The following COL23A1 variants were observed in gnomAD, a reference collection of about 807,000 sequenced individuals.
COL23A1 encodes collagen type XXIII alpha 1 chain.
A neutral mutation model predicts 99.3 loss-of-function variants in COL23A1; 97 were observed. The observed-to-expected ratio is 0.98, with a 90% CI of 0.83 to 1.16. The LOEUF is 1.16. Ranked by LOEUF, COL23A1 falls within the 50% of genes most tolerant of loss-of-function variation. COL23A1 has a pLI of 0.00. For missense variants in COL23A1, 762 were observed against 757.4 expected (o/e 1.01, Z -0.07); for synonymous variants, 320 against 308.2 (o/e 1.04, Z -0.40).
intron 5 of COL23A1, among the ~76,000 whole-genome samples, chr5:178,286,899 C>CGTAGTGGG (rs1461125164): frequency 5.3e-5 from 8 of 151,182 alleles, no homozygotes; most frequent in Middle Eastern, 3.2e-3. Flanking sequence ...GGAAACCACT[C>CGTAGTGGG]ATCTACACCC....
rs995578135 is a variant in COL23A1, at chr5:178,387,059, C to T, written c.362-80140G>A. Among the ~76,000 whole-genome samples the T allele has an allele frequency of 6.6e-4, 101 of 152,130 alleles. 3 individuals are homozygous for T. Among genetic ancestry groups the T allele is most frequent in the Non-Finnish European group, 4.4e-5 (3 of 68,026 alleles). On this transcript the variant is annotated intron_variant, in intron 2 of 28. Transcript: ENST00000390654. The surrounding 1 kb of genome is among the most constrained non-coding windows in gnomAD (Gnocchi z 4.7). ...CTCTCGCTCCAGGCTTCCTGCTGTC[C>T]GACTTCCTGGCACTCTGCACCCCCA... is the stretch of plus-strand genomic sequence containing the variant.
At chr5:178,444,028 C>A (rs1767028330) in intron 2 of COL23A1, among the ~76,000 whole-genome samples, 1 of 151,838 alleles carries the variant, frequency 6.6e-6, no homozygotes, top group Non-Finnish European at 1.5e-5. Context: ...ATGGTGAAAC[C>A]CTGCCTCTAC....
chr5:178,414,328 G>A (rs1765192373), intron 2 of COL23A1, among the ~76,000 whole-genome samples: 1 of 151,990 alleles, frequency 6.6e-6, no homozygotes, highest in African/African-American at 2.4e-5. Flanking sequence ...GGAATTGTAT[G>A]TACCTTATGT....
At chr5:178,345,417 C>T (rs1581190806) in intron 2 of COL23A1, 2 of 314,764 alleles carry the variant, frequency 6.4e-6, no homozygotes, top group Admixed American at 8.4e-5. Context: ...CAGAACTGTT[C>T]TCTAAACACA....
At chr5:178,347,744 A>G (rs2913801) in intron 2 of COL23A1, among the ~76,000 whole-genome samples, 98,141 of 150,950 alleles carry the variant, frequency 0.65, 32,897 homozygotes, top group East Asian at 0.9. Flanking sequence ...AGCTGGGCGC[A>G]CTGGCGGGCG....
At chr5:178,411,946 G>A (rs189730354) in intron 2 of COL23A1, among the ~76,000 whole-genome samples, 56 of 152,320 alleles carry the variant, frequency 3.7e-4, no homozygotes, top group African/African-American at 1.3e-3. Flanking sequence ...GAGAGAATAA[G>A]TCGGCATCAT....
At chr5:178,259,951 C>T (rs1257611667) in intron 11 of COL23A1, among the ~76,000 whole-genome samples, 1 of 152,228 alleles carries the variant, frequency 6.6e-6, no homozygotes, top group African/African-American at 2.4e-5. Context: ...CTCAATGACC[C>T]TGGGCAAGGC....
At chr5:178,294,295 CCCAAATCACTA>C (rs1195412496) in intron 3 of COL23A1, among the ~76,000 whole-genome samples, 66 of 47,396 alleles carry the variant, frequency 1.4e-3, no homozygotes, top group African/African-American at 3.4e-3. Context: ...CGAGCTCCCT[CCCAAATCACTA>C]CCCAGCTCCC....
chr5:178,466,853 G>A (rs1238206038), intron 2 of COL23A1, among the ~76,000 whole-genome samples: 1 of 152,248 alleles, frequency 6.6e-6, no homozygotes, highest in Non-Finnish European at 1.5e-5. Flanking sequence ...GCACACGGAA[G>A]TCCGAGGAAG....
At chr5:178,588,335 T>C (rs1199871797) in intron 1 of COL23A1, among the ~76,000 whole-genome samples, 14 of 152,322 alleles carry the variant, frequency 9.2e-5, no homozygotes, top group Non-Finnish European at 1.8e-4. Context: ...TAGACACAAT[T>C]TGTAGTTCCT....
chr5:178,296,048 GCTCA>G (rs1368767727), intron 3 of COL23A1, among the ~76,000 whole-genome samples: 1 of 152,244 alleles, frequency 6.6e-6, no homozygotes, highest in Non-Finnish European at 1.5e-5. Context: ...TTTGTGTATA[GCTCA>G]CTGAGTCAAA....
At chr5:178,419,927 T>C (rs1369171977) in intron 2 of COL23A1, among the ~76,000 whole-genome samples, 3 of 152,182 alleles carry the variant, frequency 2.0e-5, no homozygotes, top group Admixed American at 1.3e-4. Flanking sequence ...GTGTGTCACT[T>C]TACCCTTTTT....
intron 2 of COL23A1, chr5:178,442,827 C>T (rs1232450216): frequency 6.6e-6 from 1 of 152,294 alleles, no homozygotes; most frequent in Non-Finnish European, 1.5e-5. Flanking sequence ...CTCCAGAGCC[C>T]AGCTTGGGAA....
intron 2 of COL23A1, among the ~76,000 whole-genome samples, chr5:178,394,703 C>A (rs1561934253): frequency 3.3e-5 from 5 of 152,190 alleles, no homozygotes; most frequent in African/African-American, 9.7e-5. Context: ...CTCCCATCTG[C>A]TACACATGGG....
chr5:178,256,395 C>G lies in COL23A1; in HGVS notation c.840G>C (p.Gly280=), dbSNP rs1026603251. The G allele has an allele frequency of 1.9e-6, 3 of 1,607,144 alleles. No homozygotes were observed. Among genetic ancestry groups the G allele is most frequent in the Non-Finnish European group, 2.6e-6 (3 of 1,176,424 alleles). ...CATCCGTGCCTCGGTGGCCAGGCTCCCCCTGTGGAGACATGCATTTGCAGC... is the reference window on the plus strand; with the variant it reads ...CATCCGTGCCTCGGTGGCCAGGCTCGCCCTGTGGAGACATGCATTTGCAGC... ...NGVDGAPGPK[G]EPGHRGTDGA... Residue 280 remains glycine (G), a splice_region_variant and synonymous_variant, in exon 15 of 29, where the codon GGG becomes GGC. Transcript: ENST00000390654.
chr5:178,488,995 C>G (rs1330252486), intron 2 of COL23A1, among the ~76,000 whole-genome samples: 1 of 152,212 alleles, frequency 6.6e-6, no homozygotes, highest in African/African-American at 2.4e-5. Context: ...AAACTCAGCG[C>G]CTGGGAAGGC....
intron 1 of COL23A1, among the ~76,000 whole-genome samples, chr5:178,586,730 C>A (rs1305087820): frequency 6.6e-6 from 1 of 152,044 alleles, no homozygotes; most frequent in African/African-American, 2.4e-5. Flanking sequence ...ACAAATGTAG[C>A]TATGATTTAC....
chr5:178,438,289 T>C (rs892109805), intron 2 of COL23A1, among the ~76,000 whole-genome samples: 16 of 152,180 alleles, frequency 1.1e-4, no homozygotes, highest in Non-Finnish European at 2.4e-4. Flanking sequence ...TAAAAGATAC[T>C]TGGGTTACAT....
At chr5:178,552,054 T>A (rs1300536406) in intron 2 of COL23A1, among the ~76,000 whole-genome samples, 2 of 152,078 alleles carry the variant, frequency 1.3e-5, no homozygotes, top group East Asian at 3.9e-4. Context: ...CTTCAAAACC[T>A]TGCCCAATTA....
Sources: allele counts gnomAD v4.1 joint callset (sites outside exome capture counted in the v4.1 genomes callset), GRCh38; gene constraint gnomAD v4.1.1; non-coding constraint Gnocchi (gnomAD v3.1); transcripts MANE v1.5; gene names NCBI Gene and HGNC (gene_info 2026-07-23, HGNC 2026-07-21).